FSTL4: variants seen among roughly 807,000 people sequenced by gnomAD.
The protein encoded by FSTL4 is follistatin-related protein 4.
FSTL4 carries 28 observed loss-of-function variants against 78.2 expected under a neutral mutation model. The observed-to-expected ratio is 0.36, with a 90% CI of 0.27 to 0.49. The LOEUF (loss-of-function observed/expected upper bound fraction) is 0.49, where lower values mean the gene tolerates loss of function less well. Among genes scored for constraint, FSTL4 ranks in the 20% least tolerant of loss-of-function variants. The pLI is 0.98. For synonymous variants in FSTL4, 422 were observed against 440.5 expected (o/e 0.96, Z 0.53); for missense variants, 922 against 1,084.9 (o/e 0.85, Z 2.11).
At chr5:133,368,779 T>C (rs56387289) in intron 4 of FSTL4, among the ~76,000 whole-genome samples, 15,011 of 152,234 alleles carry the variant, frequency 0.099, 765 homozygotes, top group African/African-American at 0.12. Flanking sequence ...GCCCTTGGCC[T>C]TGCTGTCAGA....
At chr5:133,398,354 C>T (rs1580681514) in intron 4 of FSTL4, among the ~76,000 whole-genome samples, 1 of 152,188 alleles carries the variant, frequency 6.6e-6, no homozygotes. Context: ...AAGAGGCCAT[C>T]TGCAGAAAGA....
chr5:133,465,928 C>T (rs1293419656), intron 3 of FSTL4, among the ~76,000 whole-genome samples: 4 of 152,228 alleles, frequency 2.6e-5, no homozygotes, highest in Non-Finnish European at 5.9e-5. Flanking sequence ...AGAGACCAGA[C>T]CTCTAATCCC....
intron 6 of FSTL4, among the ~76,000 whole-genome samples, chr5:133,297,455 T>G (rs113434917): frequency 0.02 from 3,060 of 152,194 alleles, 106 homozygotes; most frequent in African/African-American, 0.07. Flanking sequence ...GGGTTGGAAT[T>G]TTTGGTCTAC....
At chr5:133,276,722 A>AGAT (rs1268369586) in intron 6 of FSTL4, among the ~76,000 whole-genome samples, 1 of 152,218 alleles carries the variant, frequency 6.6e-6, no homozygotes, top group African/African-American at 2.4e-5. Context: ...TGATGCGAAG[A>AGAT]GATAGATTTC....
chr5:133,822,681 G>A, the FSTL4 span, among the ~76,000 whole-genome samples: 1 of 152,128 alleles, frequency 6.6e-6, no homozygotes, highest in Non-Finnish European at 1.5e-5. Flanking sequence ...TCCTGGAAAG[G>A]CAACATTTCA....
At chr5:133,371,863 C>T (rs944894594) in intron 4 of FSTL4, among the ~76,000 whole-genome samples, 1 of 152,238 alleles carries the variant, frequency 6.6e-6, no homozygotes, top group African/African-American at 2.4e-5. Context: ...ATTCCTCCGC[C>T]TCTTCCCCAA....
the FSTL4 span, among the ~76,000 whole-genome samples, chr5:133,671,504 G>A: frequency 2.0e-5 from 3 of 152,152 alleles, no homozygotes; most frequent in South Asian, 4.1e-4. Flanking sequence ...TAAAGAAATA[G>A]CACTTGAACA....
chr5:133,352,293 T>C (rs1352896579), intron 4 of FSTL4, among the ~76,000 whole-genome samples: 1 of 133,594 alleles, frequency 7.5e-6, no homozygotes, highest in Admixed American at 7.3e-5. Flanking sequence ...CACATATATA[T>C]ACACACACAT....
the FSTL4 span, among the ~76,000 whole-genome samples, chr5:133,790,363 T>A: frequency 6.6e-6 from 1 of 152,126 alleles, no homozygotes; most frequent in African/African-American, 2.4e-5. Flanking sequence ...AAATAACAGC[T>A]CTTACTTCAT....
At chr5:133,415,370 TCTTA>T (rs1756557419) in intron 3 of FSTL4, among the ~76,000 whole-genome samples, 1 of 152,192 alleles carries the variant, frequency 6.6e-6, no homozygotes, top group Admixed American at 6.5e-5. Flanking sequence ...ACTGGCTCAG[TCTTA>T]CTTATGGTGG....
chr5:133,671,898 C>T, the FSTL4 span, among the ~76,000 whole-genome samples: 3 of 152,100 alleles, frequency 2.0e-5, no homozygotes, highest in Admixed American at 6.5e-5. Flanking sequence ...GGGCTAAGAA[C>T]GTAAAGTACA....
chr5:133,837,648 C>G, the FSTL4 span, among the ~76,000 whole-genome samples: 1 of 152,160 alleles, frequency 6.6e-6, no homozygotes, highest in Non-Finnish European at 1.5e-5. Flanking sequence ...GTCAACTTTA[C>G]TCTTATAAAT....
At chr5:133,642,799 A>G in the FSTL4 span, among the ~76,000 whole-genome samples, 248 of 152,364 alleles carry the variant, frequency 1.6e-3, no homozygotes, top group African/African-American at 5.9e-3. Context: ...GACATGTACA[A>G]CAAGAAGACA....
chr5:133,486,708 C>T (rs1165196801), intron 3 of FSTL4, among the ~76,000 whole-genome samples: 1 of 152,176 alleles, frequency 6.6e-6, no homozygotes, highest in African/African-American at 2.4e-5. Flanking sequence ...CAAACCCCAG[C>T]TCCTGGTCTG....
intron 2 of FSTL4, among the ~76,000 whole-genome samples, chr5:133,602,151 T>C (rs1454014906): frequency 6.6e-6 from 1 of 152,004 alleles, no homozygotes; most frequent in East Asian, 1.9e-4. Flanking sequence ...ATATGATCAA[T>C]AGGGCAATAG....
chr5:133,252,281 G>A (rs1033080583), intron 6 of FSTL4: 1 of 152,208 alleles, frequency 6.6e-6, no homozygotes, highest in African/African-American at 2.4e-5. Flanking sequence ...CAGACTAGAA[G>A]GAAAAGACCA....
At position 133,315,865 on chromosome 5, in the gene FSTL4, A is replaced by G. The variant is rs79793169; in HGVS notation, c.603+594T>C. Among the ~76,000 whole-genome samples, 578 of 152,306 alleles carry G rather than the reference A, an allele frequency of 3.8e-3. 5 individuals are homozygous for G. Among genetic ancestry groups the G allele is most frequent in the African/African-American group, 0.013 (555 of 41,558 alleles). The stretch of plus-strand genomic sequence containing the variant: ...TCTTTCCTTGCTTTCTATGTTGCAG[A>G]CACTAACTACCCCTGCTCCACCTTG... On this transcript the variant is annotated intron_variant, in intron 5 of 15. Coordinates refer to ENST00000265342, the MANE Select transcript of FSTL4 (RefSeq NM_015082.2).
At chr5:133,610,886 C>T (rs1761075152) in intron 1 of FSTL4, among the ~76,000 whole-genome samples, 2 of 152,196 alleles carry the variant, frequency 1.3e-5, no homozygotes, top group African/African-American at 4.8e-5. Context: ...GACACAGGCC[C>T]ATTCCCGGTG....
chr5:133,199,058 G>C lies in FSTL4; in HGVS notation c.*37C>G, dbSNP rs753912649. 1.5e-6 allele frequency: 2 copies of C among 1,301,752 alleles called. No homozygotes were observed. Among genetic ancestry groups the C allele is most frequent in the South Asian group, 1.5e-5 (1 of 67,714 alleles). The allele number at this position is 1,301,752 out of a possible 1,614,324, so 80.6% of individuals were successfully genotyped here. A position where few individuals can be genotyped will look rare whatever the true frequency, so the allele number is the denominator to read the frequency against. On this transcript the variant is annotated 3_prime_UTR_variant, in exon 16 of 16. Transcript: ENST00000265342. This position sits in a 1 kb window ranked among gnomAD's most constrained non-coding sequence, Gnocchi z 4.4. ...CTTGAGGCTGCAGTGTCAGGACTAGGGGGTGTTCCTTGGCCCAGGGCTCTG... is the reference window on the plus strand; with the variant it reads ...CTTGAGGCTGCAGTGTCAGGACTAGCGGGTGTTCCTTGGCCCAGGGCTCTG...
Sources: allele counts gnomAD v4.1 joint callset (sites outside exome capture counted in the v4.1 genomes callset), GRCh38; gene constraint gnomAD v4.1.1; non-coding constraint Gnocchi (gnomAD v3.1); transcripts MANE v1.5; gene names NCBI Gene and HGNC (gene_info 2026-07-23, HGNC 2026-07-21).